The following DDX39A variants were observed in gnomAD, a reference collection of about 807,000 sequenced individuals.
DDX39A encodes DExD-box helicase 39A.
Under a neutral mutation model 46.3 loss-of-function variants are expected in DDX39A, and 13 were observed. The ratio of observed to expected loss-of-function variants is 0.28; its 90% CI spans 0.18 to 0.45. The LOEUF (loss-of-function observed/expected upper bound fraction) is 0.45, where lower values mean the gene tolerates loss of function less well. DDX39A is among the 20% of genes least tolerant of loss of function. DDX39A has a pLI of 1.00. For missense variants in DDX39A, 352 were observed against 581.8 expected, an observed-to-expected ratio of 0.61 and a Z score of 4.06; for synonymous variants, 234 against 224.6, an observed-to-expected ratio of 1.04 and a Z score of -0.38.
intron 1 of DDX39A, chr19:14,416,142 A>T (rs1438479628): frequency 6.6e-6 from 1 of 152,172 alleles, no homozygotes. Context: ...TACTGTGCTT[A>T]GAAAAAAACT....
chr19:14,410,470 G>T lies in DDX39A; in HGVS notation c.614-136C>A. 1 of 751,064 alleles carries T rather than the reference G, an allele frequency of 1.3e-6. No individual in the cohort carries two copies. The highest frequency in any genetic ancestry group is 2.3e-6 in the Non-Finnish European group (1 of 439,450). The allele number at this position is 751,064 out of a possible 1,614,324, so 46.5% of individuals were successfully genotyped here. Reference sequence around the variant, plus strand: ...GTGACGAGGGCAGAGTGAGCCGCGGGAGTGGCCAGTCCTGGTGCCTGAGGG... The same window carrying T: ...GTGACGAGGGCAGAGTGAGCCGCGGTAGTGGCCAGTCCTGGTGCCTGAGGG... On this transcript the variant is annotated intron_variant, in intron 5 of 10. Coordinates refer to ENST00000242776, the MANE Select transcript of DDX39A (RefSeq NM_005804.4). The surrounding 1 kb of genome is among the most constrained non-coding windows in gnomAD (Gnocchi z 4.3).
chr19:14,418,701 A>C (rs1315692621), intron 1 of DDX39A, among the ~76,000 whole-genome samples: 1 of 151,934 alleles, frequency 6.6e-6, no homozygotes, highest in Non-Finnish European at 1.5e-5. Flanking sequence ...ACCTCAAGTG[A>C]TCCGCCCTCC....
chr19:14,418,951 C>T (rs1976932162), intron 1 of DDX39A: 2 of 456,244 alleles, frequency 4.4e-6, no homozygotes, highest in Non-Finnish European at 8.8e-6. Flanking sequence ...CTCCAAATGG[C>T]CCCAGGCCGC....
intron 1 of DDX39A, among the ~76,000 whole-genome samples, chr19:14,418,200 C>T (rs1426535946): frequency 6.7e-6 from 1 of 148,534 alleles, no homozygotes; most frequent in Non-Finnish European, 1.5e-5. Flanking sequence ...ATAAAATTTT[C>T]GAGAAACCGG....
rs746438041 is a variant in DDX39A, at chr19:14,411,572, C to A, written c.363G>T (p.Thr121=). 1 of 1,614,150 alleles carries A rather than the reference C, an allele frequency of 6.2e-7. No homozygotes were observed. Among genetic ancestry groups the A allele is most frequent in the South Asian group, 1.1e-5 (1 of 91,090 alleles). Residue 121 remains threonine (T), a synonymous_variant, in exon 4 of 11, where the codon ACG becomes ACT. Coordinates refer to ENST00000242776, the MANE Select transcript of DDX39A (RefSeq NM_005804.4). The surrounding 1 kb of genome is among the most constrained non-coding windows in gnomAD (Gnocchi z 4.1). ...GQVTVLVMCH[T]RELAFQISKE... Reference sequence around the variant, plus strand: ...TGCTGATCTGGAAGGCCAGCTCCCTCGTGTGGCACATGACCAGGACCGTCA... The same window carrying A: ...TGCTGATCTGGAAGGCCAGCTCCCTAGTGTGGCACATGACCAGGACCGTCA...
At position 14,412,728 on chromosome 19, in the gene DDX39A, G is replaced by T. The variant is rs749872918; in HGVS notation, c.209-50C>A. 12 of 1,563,772 alleles carry T rather than the reference G, an allele frequency of 7.7e-6. No homozygotes were observed. The highest frequency in any genetic ancestry group is 8.6e-6 in the Non-Finnish European group (10 of 1,159,112). ...GACGAGAACCTGGATGCACCCCCGTGCAGGATCCTCACCAGTTGACCGGGG... is the reference window on the plus strand; with the variant it reads ...GACGAGAACCTGGATGCACCCCCGTTCAGGATCCTCACCAGTTGACCGGGG... On this transcript the variant is annotated intron_variant, in intron 2 of 10. Transcript: ENST00000242776. This position sits in a 1 kb window ranked among gnomAD's most constrained non-coding sequence, Gnocchi z 4.4.
Position 14,411,008 on chromosome 19 carries a change from G to A in DDX39A, c.594C>T (p.Asp198=), listed in dbSNP as rs1278186508. ...NVKHFVLDEC[D]KMLEQLDMRR... ...ACTCACCCAGCTGCTCCAGCATCTT[G>A]TCACACTCGTCCAGCACAAAGTGCT... Residue 198 remains aspartate (D), a synonymous_variant, in exon 5 of 11, where the codon GAC becomes GAT. Transcript: ENST00000242776. This position sits in a 1 kb window ranked among gnomAD's most constrained non-coding sequence, Gnocchi z 4.1. The A allele has an allele frequency of 6.9e-6, 11 of 1,585,376 alleles. No homozygotes were observed. The highest frequency in any genetic ancestry group is 2.3e-5 in the East Asian group (1 of 44,026).
Position 14,409,915 on chromosome 19 carries a change from T to G in DDX39A, c.733-42A>C. On this transcript the variant is annotated intron_variant, in intron 6 of 10. Coordinates refer to ENST00000242776, the MANE Select transcript of DDX39A (RefSeq NM_005804.4). This position sits in a 1 kb window ranked among gnomAD's most constrained non-coding sequence, Gnocchi z 8.3. ...GTGGGAGGGGCGGGCAGGGATCACC[T>G]CTGGGCATCTCGCCTGCCCAGAACC... 2.5e-6 allele frequency: 4 copies of G among 1,610,452 alleles called. No individual in the cohort carries two copies. The highest frequency in any genetic ancestry group is 3.4e-6 in the Non-Finnish European group (4 of 1,179,712).
Position 14,413,230 on chromosome 19 carries a change from AAGAG to A in DDX39A, c.-4-10_-4-7del, listed in dbSNP as rs781228782. On this transcript the variant is annotated splice_region_variant and splice_polypyrimidine_tract_variant and intron_variant, in intron 1 of 10. Coordinates refer to ENST00000242776, the MANE Select transcript of DDX39A (RefSeq NM_005804.4). ...CATCCTGTTCTGCCATGATGCTGAG[AAGAG>A]AGAGAGGCAGGGTCCCGCGAGTGGG... 12 of 1,612,404 alleles carry A rather than the reference AAGAG, an allele frequency of 7.4e-6. No individual in the cohort carries two copies. Among genetic ancestry groups the A allele is most frequent in the East Asian group, 2.2e-5 (1 of 44,864 alleles).
At position 14,408,904 on chromosome 19, in the gene DDX39A, G is replaced by A. The variant is rs779507230; in HGVS notation, c.*32C>T. On this transcript the variant is annotated 3_prime_UTR_variant, in exon 11 of 11. Coordinates refer to ENST00000242776, the MANE Select transcript of DDX39A (RefSeq NM_005804.4). Reference sequence around the variant, plus strand: ...AGGGGAGGTGAAGCTGCATGCGGGCGGCTCCGGGTGGGCGGCTCTGGCACG... The same window carrying A: ...AGGGGAGGTGAAGCTGCATGCGGGCAGCTCCGGGTGGGCGGCTCTGGCACG... 2.6e-5 allele frequency: 41 copies of A among 1,561,696 alleles called. No individual in the cohort carries two copies. Among genetic ancestry groups the A allele is most frequent in the Middle Eastern group, 1.7e-4 (1 of 5,808 alleles).
Position 14,412,935 on chromosome 19 carries a change from C to T in DDX39A, c.208+78G>A, listed in dbSNP as rs1383804907. 28 of 1,490,122 alleles carry T rather than the reference C, an allele frequency of 1.9e-5. No homozygotes were observed. Among genetic ancestry groups the T allele is most frequent in the South Asian group, 3.8e-5 (3 of 78,844 alleles). The allele number at this position is 1,490,122 out of a possible 1,614,324, so 92.3% of individuals were successfully genotyped here. On this transcript the variant is annotated intron_variant, in intron 2 of 10. Transcript: ENST00000242776. This position sits in a 1 kb window ranked among gnomAD's most constrained non-coding sequence, Gnocchi z 4.4. ...TCCCTCACCCACGGCAAACTGGAGG[C>T]GGCACCGCTCTGGGCGGGCAGGGCT... is the stretch of plus-strand genomic sequence containing the variant.
chr19:14,417,176 A>G (rs1976842299), intron 1 of DDX39A, among the ~76,000 whole-genome samples: 1 of 152,148 alleles, frequency 6.6e-6, no homozygotes, highest in African/African-American at 2.4e-5. Context: ...GTAAGGAAAG[A>G]AAGGGTGGGA....
In DDX39A at chr19:14,411,851, C is replaced by T. The variant is rs1402288454; in HGVS notation, c.337-253G>A. ...AAACAGAAAATGGAACAGAAAATGG[C>T]CCGCATAATGTAATGGTTAGACCTG... On this transcript the variant is annotated intron_variant, in intron 3 of 10. Coordinates refer to ENST00000242776, the MANE Select transcript of DDX39A (RefSeq NM_005804.4). The surrounding 1 kb of genome is among the most constrained non-coding windows in gnomAD (Gnocchi z 4.1). Among the ~76,000 whole-genome samples, 1 of 152,088 alleles carries T rather than the reference C, an allele frequency of 6.6e-6. No individual in the cohort carries two copies. Among genetic ancestry groups the T allele is most frequent in the African/African-American group, 2.4e-5 (1 of 41,402 alleles).
Position 14,412,782 on chromosome 19 carries a change from C to A in DDX39A, c.209-104G>T, listed in dbSNP as rs747460861. The A allele has an allele frequency of 4.8e-6, 7 of 1,470,998 alleles. No individual in the cohort carries two copies. In the East Asian group the frequency reaches 1.4e-4, roughly 29 times the overall value. The allele number at this position is 1,470,998 out of a possible 1,614,324, so 91.1% of individuals were successfully genotyped here. A position where few individuals can be genotyped will look rare whatever the true frequency, so the allele number is the denominator to read the frequency against. On this transcript the variant is annotated intron_variant, in intron 2 of 10. Coordinates refer to ENST00000242776, the MANE Select transcript of DDX39A (RefSeq NM_005804.4). This position sits in a 1 kb window ranked among gnomAD's most constrained non-coding sequence, Gnocchi z 4.4. Reference sequence around the variant, plus strand: ...CACAGTGAGGGCAATCAGAAGAGGCCGAGTCCGGACAAGGCCACAGACACC... The same window carrying A: ...CACAGTGAGGGCAATCAGAAGAGGCAGAGTCCGGACAAGGCCACAGACACC...
chr19:14,410,330 C>T lies in DDX39A; in HGVS notation c.618G>A (p.Met206Ile). ...ECDKMLEQLD[M>I]RRDVQEIFRL... ...GGAAGATCTCCTGCACATCCCGCCG[C>T]ATGTCTAGGTGGGGAGGGCAAGACA... Residue 206 changes from methionine (M) to isoleucine (I), a missense_variant, in exon 6 of 11, where the codon ATG (methionine) becomes ATA (isoleucine). Met to Ile is a conservative substitution (Grantham distance 10). This residue lies in a region of DDX39A where 301 missense variants were observed against 469.9 expected (regional missense o/e 0.64). Coordinates refer to ENST00000242776, the MANE Select transcript of DDX39A (RefSeq NM_005804.4). The surrounding 1 kb of genome is among the most constrained non-coding windows in gnomAD (Gnocchi z 4.3). 6.2e-7 allele frequency: 1 copy of T among 1,613,832 alleles called. No homozygotes were observed. Among genetic ancestry groups the T allele is most frequent in the Non-Finnish European group, 8.5e-7 (1 of 1,179,740 alleles).
At position 14,415,232 on chromosome 19, in the gene DDX39A, G is replaced by A. The variant is rs573309370; in HGVS notation, c.-4-2008C>T. Among the ~76,000 whole-genome samples the A allele has an allele frequency of 3.3e-5, 5 of 152,218 alleles. No homozygotes were observed. The South Asian group carries it at 6.2e-4, about 19-fold the overall frequency. On this transcript the variant is annotated intron_variant, in intron 1 of 10. Transcript: ENST00000242776. ...ACATAAATGAAATCTTATAATTTGT[G>A]ACATTTTGTGTCTGGCTTCTTTCAC...
In DDX39A at chr19:14,408,846, C is replaced by G; in HGVS notation, c.*90G>C. 1 of 1,498,798 alleles carries G rather than the reference C, an allele frequency of 6.7e-7. No homozygotes were observed. The highest frequency in any genetic ancestry group is 8.9e-7 in the Non-Finnish European group (1 of 1,119,768). The allele number at this position is 1,498,798 out of a possible 1,614,324, so 92.8% of individuals were successfully genotyped here. On this transcript the variant is annotated 3_prime_UTR_variant, in exon 11 of 11. Transcript: ENST00000242776. ...CCATAATAACAAGTTTATTCTCATACAATCTCTAGCTTCTCAACAGTGGCG... is the reference window on the plus strand; with the variant it reads ...CCATAATAACAAGTTTATTCTCATAGAATCTCTAGCTTCTCAACAGTGGCG...
In DDX39A at chr19:14,412,238, A is replaced by G. The variant is rs896430547; in HGVS notation, c.336+313T>C. The G allele has an allele frequency of 1.2e-5, 4 of 332,222 alleles. No homozygotes were observed. The highest frequency in any genetic ancestry group is 2.3e-5 in the Non-Finnish European group (4 of 176,052). 20.6% of individuals were successfully genotyped at this position (332,222 alleles called of 1,614,324 possible). Reference sequence around the variant, plus strand: ...GATGGACACTCTCTAGGTAAGTGGCACGGCAAAACAGCAACGATGCCTCTG... The same window carrying G: ...GATGGACACTCTCTAGGTAAGTGGCGCGGCAAAACAGCAACGATGCCTCTG... On this transcript the variant is annotated intron_variant, in intron 3 of 10. Coordinates refer to ENST00000242776, the MANE Select transcript of DDX39A (RefSeq NM_005804.4). The surrounding 1 kb of genome is among the most constrained non-coding windows in gnomAD (Gnocchi z 4.4).
In DDX39A at chr19:14,411,445, G is replaced by A. The variant is rs372373750; in HGVS notation, c.429+61C>T. The A allele has an allele frequency of 9.3e-5, 139 of 1,502,406 alleles. No individual in the cohort carries two copies. The highest frequency in any genetic ancestry group is 1.2e-4 in the Non-Finnish European group (131 of 1,080,220). The allele number at this position is 1,502,406 out of a possible 1,614,324, so 93.1% of individuals were successfully genotyped here. The stretch of plus-strand genomic sequence containing the variant: ...GGTAAATGCTGGCTGGGCCAGAGCC[G>A]AGGCTAACAAAGCTGCAGAAACCAA... On this transcript the variant is annotated intron_variant, in intron 4 of 10. Coordinates refer to ENST00000242776, the MANE Select transcript of DDX39A (RefSeq NM_005804.4). This position sits in a 1 kb window ranked among gnomAD's most constrained non-coding sequence, Gnocchi z 4.1.
Sources: gnomAD v4.1 joint callset for allele counts (sites outside exome capture counted in the v4.1 genomes callset) on GRCh38, gnomAD v4.1.1 for gene constraint, gnomAD v4.1.1 regional missense constraint, Gnocchi (gnomAD v3.1) non-coding constraint, MANE v1.5 for transcripts, NCBI Gene and HGNC (gene_info 2026-07-23, HGNC 2026-07-21) for gene names.